YY1AP1: variants seen among roughly 807,000 people sequenced by gnomAD.
YY1AP1 encodes the protein YY1 associated protein 1, also known as YY1-associated protein 1.
In YY1AP1, 43 loss-of-function variants were observed where a neutral mutation model predicts 39.9. The observed-to-expected ratio is 1.08, with a 90% CI of 0.84 to 1.39. The LOEUF is 1.39. Ranked by LOEUF, YY1AP1 falls within the 40% of genes most tolerant of loss-of-function variation. The pLI is 0.00. For synonymous variants in YY1AP1, 292 were observed against 331.3 expected, an observed-to-expected ratio of 0.88 and a Z score of 1.29; for missense variants, 813 against 900.7, an observed-to-expected ratio of 0.90 and a Z score of 1.25.
chr1:155,663,311 C>T (rs528500776), intron 9 of YY1AP1, among the ~76,000 whole-genome samples: 1 of 149,732 alleles, frequency 6.7e-6, no homozygotes, highest in South Asian at 2.1e-4. Context: ...GTGGAGAGTG[C>T]AGTGGGCCGA....
intron 2 of YY1AP1, among the ~76,000 whole-genome samples, chr1:155,683,818 T>C (rs1191791732): frequency 1.3e-5 from 2 of 152,090 alleles, no homozygotes; most frequent in East Asian, 1.9e-4. Context: ...CCAGTTCATT[T>C]TGGAGAAAAT....
At chr1:155,667,935 C>CATAG (rs1649273794) in intron 9 of YY1AP1, among the ~76,000 whole-genome samples, 1 of 150,112 alleles carries the variant, frequency 6.7e-6, no homozygotes. Context: ...TACATACATA[C>CATAG]AGACACAGAC....
chr1:155,660,241 C>A lies in YY1AP1; in HGVS notation c.1669G>T (p.Val557Phe). The change falls in exon 11 of 11, where the codon GTT becomes TTT. Residue 557 changes from valine (V) to phenylalanine (F), a missense_variant. Physicochemically the swap from Val to Phe is conservative, Grantham distance 50. This residue lies in a region of YY1AP1 where 586 missense variants were observed against 647.4 expected (regional missense o/e 0.91). Coordinates refer to ENST00000355499, the MANE Select transcript of YY1AP1 (RefSeq NM_139119.3). Reference protein sequence around the residue: ...VIHPASVIFTVPATTVKIVSL... With the variant: ...VIHPASVIFTFPATTVKIVSL... ...ACAATCTTCACAGTGGTAGCAGGAA[C>A]AGTGAAGATAACAGATGCAGGGTGG... The A allele has an allele frequency of 6.2e-7, 1 of 1,614,230 alleles. No homozygotes were observed.
chr1:155,669,469 A>G (rs774043036), intron 8 of YY1AP1, among the ~76,000 whole-genome samples: 1 of 152,240 alleles, frequency 6.6e-6, no homozygotes, highest in Non-Finnish European at 1.5e-5. Context: ...ACAATTAAGT[A>G]GGAGCAAGAG....
At chr1:155,671,188 T>A (rs1197418156) in intron 7 of YY1AP1, 1 of 151,144 alleles carries the variant, frequency 6.6e-6, no homozygotes, top group Non-Finnish European at 1.5e-5. Context: ...CCCAGCACTT[T>A]GGGAGGCCGA....
chr1:155,688,284 C>T, intron 1 of YY1AP1, 83 bp from the exon 2 acceptor site: 1 of 1,584,424 alleles, frequency 6.3e-7, no homozygotes, highest in East Asian at 2.3e-5. Flanking sequence ...GCAACCGACA[C>T]TGGGATCGTT....
intron 2 of YY1AP1, among the ~76,000 whole-genome samples, chr1:155,681,481 G>T (rs1473717326): frequency 6.6e-6 from 1 of 152,128 alleles, no homozygotes; most frequent in African/African-American, 2.4e-5. Context: ...CCATATACTT[G>T]AGAGGCTGAG....
intron 9 of YY1AP1, among the ~76,000 whole-genome samples, chr1:155,667,013 AAAAT>A (rs563139339): frequency 6.6e-6 from 1 of 151,974 alleles, no homozygotes; most frequent in Non-Finnish European, 1.5e-5. Flanking sequence ...AAAATAAAAT[AAAAT>A]AAATAAATAA....
chr1:155,665,349 C>T (rs1301994822), intron 9 of YY1AP1, among the ~76,000 whole-genome samples: 1 of 151,998 alleles, frequency 6.6e-6, no homozygotes, highest in African/African-American at 2.4e-5. Flanking sequence ...CCTGTAATCC[C>T]AGCACTTTGG....
intron 2 of YY1AP1, among the ~76,000 whole-genome samples, chr1:155,685,186 C>G (rs1008411831): frequency 4.6e-5 from 7 of 152,070 alleles, no homozygotes; most frequent in Non-Finnish European, 7.4e-5. Context: ...ATAAAATAAA[C>G]ACTTTATGGT....
intron 2 of YY1AP1, among the ~76,000 whole-genome samples, chr1:155,682,753 G>A (rs898088719): frequency 3.9e-5 from 6 of 152,188 alleles, no homozygotes; most frequent in African/African-American, 1.4e-4. Flanking sequence ...CAGGCACACA[G>A]TGTCTCTTCC....
chr1:155,673,209 T>C (rs973596000), intron 6 of YY1AP1, among the ~76,000 whole-genome samples: 1 of 152,076 alleles, frequency 6.6e-6, no homozygotes, highest in Non-Finnish European at 1.5e-5. Context: ...AGAGACAGCG[T>C]TTTCCCATCT....
intron 2 of YY1AP1, among the ~76,000 whole-genome samples, chr1:155,683,655 C>CA (rs1320451562): frequency 2.9e-4 from 43 of 150,718 alleles, no homozygotes; most frequent in Middle Eastern, 6.8e-3. Flanking sequence ...GACTCCATCT[C>CA]AAAAAAAACA....
chr1:155,688,596 C>G, intron 1 of YY1AP1, 63 bp downstream of exon 1: 1 of 1,536,106 alleles, frequency 6.5e-7, no homozygotes, highest in South Asian at 1.2e-5. Flanking sequence ...AACCTCCTCG[C>G]CCAGTTCTCC....
At chr1:155,663,477 C>G (rs569754240) in intron 9 of YY1AP1, among the ~76,000 whole-genome samples, 1 of 152,006 alleles carries the variant, frequency 6.6e-6, no homozygotes, top group South Asian at 2.1e-4. Flanking sequence ...TCCCAGCACT[C>G]TGGGAGGCTG....
At chr1:155,675,220 G>A (rs539517968) in intron 5 of YY1AP1, 124 bp from the exon 6 acceptor site, 20 of 808,734 alleles carry the variant, frequency 2.5e-5, no homozygotes, top group African/African-American at 5.1e-5. Context: ...GAGTGCAGTG[G>A]TGCAACCATG....
At chr1:155,670,512 G>C (rs751822432) in intron 7 of YY1AP1, 48 bp from the exon 8 acceptor site, 2 of 1,608,696 alleles carry the variant, frequency 1.2e-6, no homozygotes, top group Non-Finnish European at 1.7e-6. Flanking sequence ...GAAAAAAGAG[G>C]GCTTCAAAAA....
intron 1 of YY1AP1, 182 bp from the exon 2 acceptor site, chr1:155,688,383 C>T (rs1471743115): frequency 1.3e-6 from 2 of 1,542,956 alleles, no homozygotes; most frequent in Non-Finnish European, 8.8e-7. Flanking sequence ...GAGCTAAGGG[C>T]GCCTAGCGAC....
chr1:155,661,321 G>A lies in YY1AP1; in HGVS notation c.982C>T (p.Pro328Ser). 1.9e-6 allele frequency: 3 copies of A among 1,613,810 alleles called. No individual in the cohort carries two copies. Among genetic ancestry groups the A allele is most frequent in the Non-Finnish European group, 2.5e-6 (3 of 1,179,834 alleles). The change falls in exon 10 of 11, where the codon CCA (proline) becomes TCA (serine). Residue 328 changes from proline to serine, a missense_variant. Coordinates refer to ENST00000355499, the MANE Select transcript of YY1AP1 (RefSeq NM_139119.3). ...PPIEREEHRL[P>S]FWLKASLPSI... is the part of the protein sequence containing the mutation. ...GAGGGCTGTACCTTTAACCAGAATGGGAGCCGGTGTTCTTCTCTCTCTATA... is the reference window on the plus strand; with the variant it reads ...GAGGGCTGTACCTTTAACCAGAATGAGAGCCGGTGTTCTTCTCTCTCTATA...
Sources: allele counts gnomAD v4.1 joint callset (sites outside exome capture counted in the v4.1 genomes callset), GRCh38; gene constraint gnomAD v4.1.1; regional missense constraint gnomAD v4.1.1; transcripts MANE v1.5; gene names NCBI Gene and HGNC (gene_info 2026-07-23, HGNC 2026-07-21).